TMEM163: variants seen among roughly 807,000 people sequenced by gnomAD.
TMEM163 encodes transmembrane protein 163.
A neutral mutation model predicts 29.3 loss-of-function variants in TMEM163; 17 were observed. The ratio of observed to expected loss-of-function variants is 0.58; its 90% CI spans 0.40 to 0.87. TMEM163 has a LOEUF of 0.87. Among genes scored for constraint, TMEM163 ranks in the 40% least tolerant of loss-of-function variants. The probability of loss-of-function intolerance (pLI) is 0.00; values close to 1 mark genes in which losing one functional copy is unlikely to be tolerated. For missense variants in TMEM163, 303 were observed against 381.5 expected (o/e 0.79, Z 1.71); for synonymous variants, 157 against 160.6 (o/e 0.98, Z 0.17).
intron 2 of TMEM163, among the ~76,000 whole-genome samples, chr2:134,671,279 C>G (rs545931794): frequency 4.6e-5 from 7 of 152,308 alleles, no homozygotes; most frequent in Non-Finnish European, 7.4e-5. Context: ...CCCTGAGATT[C>G]TAAGCTGACT....
chr2:134,595,942 C>T (rs1007255313), intron 2 of TMEM163, among the ~76,000 whole-genome samples: 2 of 152,162 alleles, frequency 1.3e-5, no homozygotes, highest in African/African-American at 4.8e-5. Flanking sequence ...TCATATTCTT[C>T]ACCCACTTGT....
At chr2:134,704,618 C>T (rs944873887) in intron 2 of TMEM163, among the ~76,000 whole-genome samples, 1 of 152,140 alleles carries the variant, frequency 6.6e-6, no homozygotes, top group Non-Finnish European at 1.5e-5. Context: ...GCTGAGTCTC[C>T]GAGTCTATTC....
At position 134,718,800 on chromosome 2, in the gene TMEM163, G is replaced by T; in HGVS notation, c.136C>A (p.Leu46Met). The part of the protein sequence containing the change: ...LSSPVREPPQ[L>M]EEERQVRISE... ...ATCCGCACCTGCCGCTCCTCCTCCA[G>T]CTGGGGCGGCTCGCGCACCGGGGAG... is the stretch of plus-strand genomic sequence containing the variant. The change falls in exon 1 of 8, where the codon CTG (leucine) becomes ATG (methionine). Residue 46 changes from leucine (L) to methionine (M), a missense_variant. By Grantham distance (15) the Leu-to-Met change is conservative (BLOSUM62 2). This residue lies in a region of TMEM163 where 100 missense variants were observed against 87.2 expected (regional missense o/e 1.15). Transcript: ENST00000281924. 1 of 1,144,308 alleles carries T rather than the reference G, an allele frequency of 8.7e-7. No homozygotes were observed. 70.9% of individuals were successfully genotyped at this position (1,144,308 alleles called of 1,614,324 possible).
intron 6 of TMEM163, among the ~76,000 whole-genome samples, chr2:134,462,244 T>TCTC (rs2106472785): frequency 6.6e-6 from 1 of 151,594 alleles, no homozygotes; most frequent in East Asian, 1.9e-4. Flanking sequence ...TCCCATACCC[T>TCTC]CTCCTTCACC....
intron 2 of TMEM163, among the ~76,000 whole-genome samples, chr2:134,661,339 G>C (rs78259243): frequency 6.6e-6 from 1 of 152,200 alleles, no homozygotes; most frequent in Non-Finnish European, 1.5e-5. Flanking sequence ...CCAGTCTCAA[G>C]TACTCTGTTA....
intron 6 of TMEM163, 31 bp downstream of exon 6, chr2:134,466,083 C>G: frequency 6.5e-7 from 1 of 1,538,292 alleles, no homozygotes; most frequent in Non-Finnish European, 8.9e-7. Context: ...GAGCCCAGCC[C>G]CCAGAGATTA....
chr2:134,584,023 G>A lies in TMEM163; in HGVS notation c.323-31932C>T, dbSNP rs184242948. ...CCATTTGTTCACTGCTCCATCTCCA[G>A]GGCCTAGAGCAGCACCTGGCTCCTA... On this transcript the variant is annotated intron_variant, in intron 2 of 7. Transcript: ENST00000281924. Among the ~76,000 whole-genome samples the A allele has an allele frequency of 4.0e-3, 604 of 152,242 alleles. 3 individuals are homozygous for A. Among genetic ancestry groups the A allele is most frequent in the South Asian group, 0.011 (51 of 4,824 alleles).
At chr2:134,478,049 A>G (rs1001910979) in intron 5 of TMEM163, among the ~76,000 whole-genome samples, 2 of 152,130 alleles carry the variant, frequency 1.3e-5, no homozygotes, top group African/African-American at 4.8e-5. Context: ...TGATTGTTTA[A>G]AAGTCTGGAA....
intron 2 of TMEM163, among the ~76,000 whole-genome samples, chr2:134,578,679 T>C (rs769146461): frequency 3.9e-5 from 6 of 152,188 alleles, no homozygotes; most frequent in Non-Finnish European, 5.9e-5. Flanking sequence ...TGTCCAGTAA[T>C]CTGACACAGG....
chr2:134,622,044 T>C (rs941980608), intron 2 of TMEM163, among the ~76,000 whole-genome samples: 4 of 152,188 alleles, frequency 2.6e-5, no homozygotes, highest in African/African-American at 9.7e-5. Context: ...ATTATGCTAA[T>C]TGAAAAAAGC....
At chr2:134,596,769 C>T (rs7369617) in intron 2 of TMEM163, among the ~76,000 whole-genome samples, 147,213 of 152,118 alleles carry the variant, frequency 0.97, 71,268 homozygotes, top group East Asian at 1. Flanking sequence ...TCCATTTGTT[C>T]GTGTCCTCTT....
intron 2 of TMEM163, among the ~76,000 whole-genome samples, chr2:134,554,945 G>A (rs72984251): frequency 0.019 from 2,931 of 152,212 alleles, 79 homozygotes; most frequent in African/African-American, 0.064. Context: ...AATTGGCTCC[G>A]TCTAATTTCC....
intron 2 of TMEM163, among the ~76,000 whole-genome samples, chr2:134,614,855 A>G (rs2104820532): frequency 7.5e-6 from 1 of 132,564 alleles, no homozygotes; most frequent in East Asian, 2.0e-4. Context: ...GACTTCATCT[A>G]AAAAAAAAAA....
chr2:134,590,121 C>CTTT (rs35314489), intron 2 of TMEM163, among the ~76,000 whole-genome samples: 2 of 147,898 alleles, frequency 1.4e-5, no homozygotes, highest in African/African-American at 2.5e-5. Flanking sequence ...CCAACTGATT[C>CTTT]TTTTTTTTTT....
rs1488124556 is a variant in TMEM163, at chr2:134,623,180, A to AGG, written c.323-71091_323-71090dup. Among the ~76,000 whole-genome samples the AGG allele has an allele frequency of 9.8e-5, 15 of 152,290 alleles. No individual in the cohort carries two copies. In the East Asian group the frequency reaches 2.9e-3, roughly 29 times the overall value. On this transcript the variant is annotated intron_variant, in intron 2 of 7. Coordinates refer to ENST00000281924, the MANE Select transcript of TMEM163 (RefSeq NM_030923.5). The stretch of plus-strand genomic sequence containing the variant: ...AGGTTTCTGATGGTGGTGAAAATAG[A>AGG]GGGGAGAAAAAAGGGAAAAGGAACA...
chr2:134,696,321 C>T (rs182004654), intron 2 of TMEM163, among the ~76,000 whole-genome samples: 182 of 152,222 alleles, frequency 1.2e-3, no homozygotes, highest in African/African-American at 4.3e-3. Context: ...ATCTCAACTG[C>T]CCTAGTTTTA....
intron 4 of TMEM163, among the ~76,000 whole-genome samples, chr2:134,536,842 A>G (rs1212724975): frequency 2.0e-5 from 3 of 152,222 alleles, no homozygotes; most frequent in African/African-American, 7.2e-5. Context: ...TGTAAGAGCC[A>G]TAGCTCTAGG....
chr2:134,712,086 C>T (rs1035035035), intron 2 of TMEM163, among the ~76,000 whole-genome samples: 8 of 152,104 alleles, frequency 5.3e-5, no homozygotes, highest in Non-Finnish European at 7.3e-5. Context: ...TCTGGCTCAC[C>T]GGTAAAAAAC....
intron 2 of TMEM163, among the ~76,000 whole-genome samples, chr2:134,699,243 C>A (rs905860490): frequency 2.0e-5 from 3 of 152,130 alleles, no homozygotes; most frequent in African/African-American, 7.2e-5. Flanking sequence ...GTGGCTCATG[C>A]CTGTAATCCC....
Sources: gnomAD v4.1 joint callset for allele counts (sites outside exome capture counted in the v4.1 genomes callset) on GRCh38, gnomAD v4.1.1 for gene constraint, gnomAD v4.1.1 regional missense constraint, MANE v1.5 for transcripts, NCBI Gene and HGNC (gene_info 2026-07-23, HGNC 2026-07-21) for gene names.